The following SMAP1 variants were observed in gnomAD, a reference collection of about 807,000 sequenced individuals.
SMAP1 encodes the protein stromal membrane-associated protein 1.
SMAP1 carries 24 observed loss-of-function variants against 58.5 expected under a neutral mutation model. The ratio of observed to expected loss-of-function variants is 0.41; its 90% CI spans 0.30 to 0.58. The LOEUF (loss-of-function observed/expected upper bound fraction) is 0.58. SMAP1 is among the 20% of genes least tolerant of loss of function. SMAP1 has a pLI of 0.29. For synonymous variants in SMAP1, 216 were observed against 196.6 expected (o/e 1.10, Z -0.82); for missense variants, 563 against 566.3 (o/e 0.99, Z 0.06).
At chr6:70,680,102 TCAACAACAA>T (rs140699249) in intron 1 of SMAP1, among the ~76,000 whole-genome samples, 1,747 of 150,454 alleles carry the variant, frequency 0.012, 34 homozygotes, top group African/African-American at 0.04. Context: ...GATAGTCTTT[TCAACAACAA>T]CAACAACAAC....
intron 5 of SMAP1, 89 bp downstream of exon 5, chr6:70,791,858 TAG>T: frequency 1.9e-6 from 2 of 1,041,212 alleles, no homozygotes; most frequent in South Asian, 3.6e-5. Flanking sequence ...AACACTATAA[TAG>T]TTGTTGATAT....
chr6:70,819,317 G>C (rs1358654655), intron 6 of SMAP1, among the ~76,000 whole-genome samples: 1 of 131,398 alleles, frequency 7.6e-6, no homozygotes, highest in African/African-American at 2.7e-5. Flanking sequence ...ATGTTTTAAT[G>C]ATGTAAGGGT....
At chr6:70,807,614 A>G (rs533258101) in intron 6 of SMAP1, among the ~76,000 whole-genome samples, 6 of 152,332 alleles carry the variant, frequency 3.9e-5, no homozygotes, top group African/African-American at 1.4e-4. Flanking sequence ...ATCAGATTTT[A>G]ATTTGTCCTT....
At chr6:70,668,257 C>A (rs1469880252) in intron 1 of SMAP1, 116 bp downstream of exon 1, 14 of 986,316 alleles carry the variant, frequency 1.4e-5, no homozygotes, top group Non-Finnish European at 1.9e-5. Context: ...CGGCTCCTGC[C>A]CTGACTGGAG....
At chr6:70,671,448 C>G (rs768744300) in intron 1 of SMAP1, among the ~76,000 whole-genome samples, 1 of 152,156 alleles carries the variant, frequency 6.6e-6, no homozygotes, top group Non-Finnish European at 1.5e-5. Flanking sequence ...TGGCAGGCAC[C>G]TGTAATCCCT....
At chr6:70,857,105 T>A in intron 9 of SMAP1, 75 bp downstream of exon 9, 1 of 1,378,902 alleles carries the variant, frequency 7.3e-7, no homozygotes, top group Non-Finnish European at 9.7e-7. Context: ...TAAGATCAAT[T>A]ATATATCTTT....
intron 3 of SMAP1, among the ~76,000 whole-genome samples, chr6:70,765,943 T>C (rs1220381352): frequency 2.2e-5 from 3 of 135,576 alleles, no homozygotes; most frequent in Non-Finnish European, 4.6e-5. Context: ...CCCCTTCCTG[T>C]GTCCATGTGT....
At chr6:70,748,900 A>G (rs1211605123) in intron 2 of SMAP1, among the ~76,000 whole-genome samples, 2 of 152,020 alleles carry the variant, frequency 1.3e-5, no homozygotes, top group African/African-American at 4.8e-5. Flanking sequence ...ATATACACAG[A>G]CTTATAGTTG....
intron 1 of SMAP1, among the ~76,000 whole-genome samples, chr6:70,723,823 C>T (rs537302287): frequency 1.3e-5 from 2 of 151,936 alleles, no homozygotes; most frequent in East Asian, 1.9e-4. Context: ...ATAGCAATTC[C>T]GAGGGAATTA....
intron 6 of SMAP1, among the ~76,000 whole-genome samples, chr6:70,805,004 C>T (rs540081601): frequency 8.6e-5 from 13 of 150,792 alleles, no homozygotes; most frequent in Non-Finnish European, 7.4e-5. Flanking sequence ...TGAAGAGTAT[C>T]TTTGTGGTGT....
intron 1 of SMAP1, among the ~76,000 whole-genome samples, chr6:70,684,117 A>G (rs1042216048): frequency 2.0e-5 from 3 of 152,224 alleles, no homozygotes; most frequent in Non-Finnish European, 4.4e-5. Context: ...AGGATTATCT[A>G]TTATTTAGCC....
chr6:70,748,879 C>T (rs1049156475), intron 2 of SMAP1, among the ~76,000 whole-genome samples: 4 of 149,782 alleles, frequency 2.7e-5, no homozygotes, highest in Admixed American at 1.3e-4. Context: ...ATATTTTATG[C>T]ATATATATAT....
chr6:70,805,592 T>C (rs574472106), intron 6 of SMAP1, among the ~76,000 whole-genome samples: 141 of 152,332 alleles, frequency 9.3e-4, no homozygotes, highest in African/African-American at 3.2e-3. Context: ...GCTCTGGTTT[T>C]ATAATTTTCA....
At chr6:70,738,335 C>T (rs1227495295) in intron 2 of SMAP1, among the ~76,000 whole-genome samples, 2 of 152,014 alleles carry the variant, frequency 1.3e-5, no homozygotes, top group African/African-American at 2.4e-5. Context: ...AAAATGTTGG[C>T]ACTCTCACAT....
intron 1 of SMAP1, among the ~76,000 whole-genome samples, chr6:70,695,268 C>T (rs1017329833): frequency 1.3e-5 from 2 of 152,048 alleles, no homozygotes; most frequent in African/African-American, 4.8e-5. Context: ...ATTGGATGCC[C>T]TTTCTTTCTC....
rs1582069094 is a variant in SMAP1 at position 70,726,748 on chromosome 6, CTATT to C, written c.119-5626_119-5623del. ...TTTTAGACATGTAATGTCTTTTACA[CTATT>C]TATACTTAATAGTGATTTATCAGTC... On this transcript the variant is annotated intron_variant, in intron 1 of 10. Coordinates refer to ENST00000370455, the MANE Select transcript of SMAP1 (RefSeq NM_001044305.3). Among the ~76,000 whole-genome samples, 3 of 152,054 alleles carry C rather than the reference CTATT, an allele frequency of 2.0e-5. No homozygotes were observed. The South Asian group carries it at 6.2e-4, about 32-fold the overall frequency.
intron 2 of SMAP1, among the ~76,000 whole-genome samples, chr6:70,746,458 G>C (rs1156647429): frequency 6.6e-6 from 1 of 152,062 alleles, no homozygotes; most frequent in Non-Finnish European, 1.5e-5. Flanking sequence ...GGTTCTGTTT[G>C]TGTGATGGAT....
At chr6:70,727,866 C>A (rs1582071158) in intron 1 of SMAP1, among the ~76,000 whole-genome samples, 1 of 152,072 alleles carries the variant, frequency 6.6e-6, no homozygotes, top group African/African-American at 2.4e-5. Context: ...AGTTTGAGAC[C>A]AGCCTGGACA....
chr6:70,699,479 C>T (rs1767538564), intron 1 of SMAP1, among the ~76,000 whole-genome samples: 1 of 152,038 alleles, frequency 6.6e-6, no homozygotes, highest in African/African-American at 2.4e-5. Context: ...CTTGTATCCT[C>T]CCTTCAGGAC....
Sources: gnomAD v4.1 joint callset for allele counts (sites outside exome capture counted in the v4.1 genomes callset) on GRCh38, gnomAD v4.1.1 for gene constraint, MANE v1.5 for transcripts, NCBI Gene and HGNC (gene_info 2026-07-23, HGNC 2026-07-21) for gene names.